VWA8: variants seen among roughly 807,000 people sequenced by gnomAD.
The protein encoded by VWA8 is von Willebrand factor A domain-containing protein 8.
VWA8 carries 221 observed loss-of-function variants against 241.5 expected under a neutral mutation model. That is an observed-to-expected ratio of 0.91 (90% CI 0.82 to 1.02). VWA8 has a LOEUF of 1.02. Among genes scored for constraint, VWA8 ranks in the 50% least tolerant of loss-of-function variants. The pLI is 0.00. For synonymous variants in VWA8, 852 were observed against 827.1 expected, an observed-to-expected ratio of 1.03 and a Z score of -0.52; for missense variants, 2,322 against 2,328.7, an observed-to-expected ratio of 1.00 and a Z score of 0.06.
At chr13:41,762,079 T>G (rs140477820) in intron 20 of VWA8, among the ~76,000 whole-genome samples, 1 of 152,202 alleles carries the variant, frequency 6.6e-6, no homozygotes, top group African/African-American at 2.4e-5. Flanking sequence ...TCTGAAACTT[T>G]TTGAGCACCA....
intron 20 of VWA8, among the ~76,000 whole-genome samples, chr13:41,768,497 T>A (rs1351332738): frequency 6.6e-6 from 1 of 152,224 alleles, no homozygotes; most frequent in Admixed American, 6.5e-5. Flanking sequence ...TTAGTTAAAA[T>A]GTTCATAGAG....
At chr13:41,611,045 T>C (rs1421859855) in intron 39 of VWA8, among the ~76,000 whole-genome samples, 1 of 152,170 alleles carries the variant, frequency 6.6e-6, no homozygotes, top group East Asian at 1.9e-4. Flanking sequence ...CATCCTGCCC[T>C]GGTGCCTCTG....
At chr13:41,575,275 G>A (rs1305054539) in intron 43 of VWA8, among the ~76,000 whole-genome samples, 2 of 152,116 alleles carry the variant, frequency 1.3e-5, no homozygotes, top group Admixed American at 1.3e-4. Flanking sequence ...AAGGTTCTCA[G>A]GGGGGTGAGG....
chr13:41,947,884 A>G (rs752573027), intron 2 of VWA8, among the ~76,000 whole-genome samples: 2 of 141,216 alleles, frequency 1.4e-5, no homozygotes, highest in Non-Finnish European at 3.0e-5. Flanking sequence ...GTGAGCCGAC[A>G]TTGCACCACT....
chr13:41,634,909 A>G (rs1049383146), intron 37 of VWA8, among the ~76,000 whole-genome samples: 3 of 152,146 alleles, frequency 2.0e-5, no homozygotes, highest in Non-Finnish European at 4.4e-5. Context: ...AAGTTAAGAA[A>G]ATTTTTTTGA....
intron 37 of VWA8, among the ~76,000 whole-genome samples, chr13:41,633,165 C>T (rs1169595533): frequency 6.6e-6 from 1 of 152,150 alleles, no homozygotes; most frequent in Non-Finnish European, 1.5e-5. Context: ...TATATACATC[C>T]ACACATATAC....
At chr13:41,724,955 T>C (rs901623028) in intron 24 of VWA8, among the ~76,000 whole-genome samples, 1 of 152,136 alleles carries the variant, frequency 6.6e-6, no homozygotes, top group African/African-American at 2.4e-5. Context: ...TTAGGGACAC[T>C]TGAGGCCCAT....
In VWA8 at chr13:41,664,953, G is replaced by A. The variant is rs887516700; in HGVS notation, c.4611+5993C>T. Among the ~76,000 whole-genome samples, 6 of 152,096 alleles carry A rather than the reference G, an allele frequency of 3.9e-5. No homozygotes were observed. In the South Asian group the frequency reaches 8.3e-4, roughly 21 times the overall value. On this transcript the variant is annotated intron_variant, in intron 37 of 44. Coordinates refer to ENST00000379310, the MANE Select transcript of VWA8 (RefSeq NM_015058.2). ...AGGCTAAACACTATAATCCTCTGCTGACAATTGTCCTATCATTGATTTCCT... is the reference window on the plus strand; with the variant it reads ...AGGCTAAACACTATAATCCTCTGCTAACAATTGTCCTATCATTGATTTCCT...
chr13:41,758,323 C>G (rs954822833), intron 21 of VWA8, among the ~76,000 whole-genome samples: 2 of 139,932 alleles, frequency 1.4e-5, no homozygotes, highest in African/African-American at 5.3e-5. Context: ...CTTTATACTA[C>G]TGTAAATAGT....
intron 37 of VWA8, among the ~76,000 whole-genome samples, chr13:41,657,163 T>C (rs939516451): frequency 1.3e-5 from 2 of 151,874 alleles, no homozygotes; most frequent in African/African-American, 2.4e-5. Flanking sequence ...GGAAGAACCA[T>C]ATGTATTACC....
intron 2 of VWA8, among the ~76,000 whole-genome samples, chr13:41,925,133 T>G (rs1018592577): frequency 6.6e-6 from 1 of 152,090 alleles, no homozygotes; most frequent in Non-Finnish European, 1.5e-5. Flanking sequence ...AGAAAAAAAC[T>G]GCCAGTCAAA....
intron 35 of VWA8, among the ~76,000 whole-genome samples, chr13:41,684,174 T>C (rs1339221620): frequency 6.6e-6 from 1 of 152,206 alleles, no homozygotes; most frequent in Non-Finnish European, 1.5e-5. Context: ...AAATGGTGAT[T>C]TATTTTCCAT....
At chr13:41,645,965 AT>A (rs66526705) in intron 37 of VWA8, among the ~76,000 whole-genome samples, 2,472 of 136,450 alleles carry the variant, frequency 0.018, 27 homozygotes, top group East Asian at 0.051. Context: ...AATTTTCCTG[AT>A]TTTTTTTTTT....
At chr13:41,632,016 C>T (rs1035878616) in intron 37 of VWA8, among the ~76,000 whole-genome samples, 1 of 152,110 alleles carries the variant, frequency 6.6e-6, no homozygotes, top group Non-Finnish European at 1.5e-5. Flanking sequence ...CTTTTAAGAG[C>T]CTTCAAAAGG....
chr13:41,929,069 T>C (rs1022384198), intron 2 of VWA8, among the ~76,000 whole-genome samples: 1 of 151,680 alleles, frequency 6.6e-6, no homozygotes, highest in African/African-American at 2.4e-5. Context: ...AAAATATATG[T>C]GTAAAAATAC....
At position 41,651,678 on chromosome 13, in the gene VWA8, ATTT is replaced by A. The variant is rs2044870324; in HGVS notation, c.4611+19265_4611+19267del. Among the ~76,000 whole-genome samples, 4 of 152,310 alleles carry A rather than the reference ATTT, an allele frequency of 2.6e-5. No homozygotes were observed. In the South Asian group the frequency reaches 8.3e-4, roughly 32 times the overall value. On this transcript the variant is annotated intron_variant, in intron 37 of 44. Transcript: ENST00000379310. ...TTTTCATATGCCATGAAATATAATT[ATTT>A]TTATCAACTGATTTTTTCCAACTGT...
At chr13:41,951,534 C>T (rs1350251731) in intron 1 of VWA8, among the ~76,000 whole-genome samples, 1 of 152,324 alleles carries the variant, frequency 6.6e-6, no homozygotes, top group East Asian at 1.9e-4. Context: ...TCCGAGTGAT[C>T]TTCTAAAGCC....
chr13:41,695,970 C>G (rs1232195198), intron 29 of VWA8: 3 of 152,094 alleles, frequency 2.0e-5, no homozygotes, highest in Non-Finnish European at 4.4e-5. Flanking sequence ...AATTTGACAG[C>G]TGAAAATGTG....
chr13:41,909,857 A>G (rs138828482), intron 3 of VWA8, among the ~76,000 whole-genome samples: 2 of 152,350 alleles, frequency 1.3e-5, no homozygotes, highest in East Asian at 3.9e-4. Flanking sequence ...GTCCTTTTAT[A>G]TAAGTATAAA....
Sources: allele counts gnomAD v4.1 joint callset (sites outside exome capture counted in the v4.1 genomes callset), GRCh38; gene constraint gnomAD v4.1.1; transcripts MANE v1.5; gene names NCBI Gene and HGNC (gene_info 2026-07-23, HGNC 2026-07-21).